LIN9: variants seen among roughly 807,000 people sequenced by gnomAD.
LIN9 encodes protein lin-9 homolog.
Under a neutral mutation model 78.0 loss-of-function variants are expected in LIN9, and 18 were observed. The ratio of observed to expected loss-of-function variants is 0.23; its 90% CI spans 0.16 to 0.34. The LOEUF is 0.34. Among genes scored for constraint, LIN9 ranks in the 10% least tolerant of loss-of-function variants. The probability of loss-of-function intolerance (pLI) is 1.00; values close to 1 mark genes in which losing one functional copy is unlikely to be tolerated. For missense variants in LIN9, 451 were observed against 644.1 expected (o/e 0.70, Z 3.25); for synonymous variants, 192 against 215.2 (o/e 0.89, Z 0.94).
intron 1 of LIN9, among the ~76,000 whole-genome samples, chr1:226,302,318 C>CG (rs1207258742): frequency 1.3e-4 from 20 of 152,028 alleles, no homozygotes; most frequent in African/African-American, 4.8e-4. Flanking sequence ...CCGAGGTGGG[C>CG]GGATCACAAG....
Position 226,232,557 on chromosome 1 carries a change from G to A in LIN9, c.1573C>T (p.Leu525=), listed in dbSNP as rs752135779. 6.2e-7 allele frequency: 1 copy of A among 1,612,376 alleles called. No individual in the cohort carries two copies. The highest frequency in any genetic ancestry group is 1.1e-5 in the South Asian group (1 of 90,830). The change falls in exon 15 of 15, where the codon CTG becomes TTG. Residue 525 remains leucine (L), a synonymous_variant. Coordinates refer to ENST00000681046, the MANE Select transcript of LIN9 (RefSeq NM_001366245.2). ...GCATGTAAGTTTCCCATCTGGCTCAGGCCACTCTGAATATGTGCAACATGG... is the reference window on the plus strand; with the variant it reads ...GCATGTAAGTTTCCCATCTGGCTCAAGCCACTCTGAATATGTGCAACATGG... ...EIHVAHIQSG[L]SQMGNLHAFA...
In LIN9 at chr1:226,239,071, A is replaced by T. The variant is rs1323371470; in HGVS notation, c.1145T>A (p.Ile382Asn). Residue 382 changes from isoleucine (I) to asparagine (N), a missense_variant, in exon 12 of 15, where the codon ATT (isoleucine) becomes AAT (asparagine). By Grantham distance (149) the Ile-to-Asn change is moderately radical. Transcript: ENST00000681046. ...TGTTGCATATCTCCGCTGAAATTCA[A>T]TGCTGATGGGCATGGAATATGATTT... is the stretch of plus-strand genomic sequence containing the variant. ...KLKSYSMPIS[I>N]EFQRRYATIV... 4 of 1,613,706 alleles carry T rather than the reference A, an allele frequency of 2.5e-6. No homozygotes were observed. Among genetic ancestry groups the T allele is most frequent in the Non-Finnish European group, 3.4e-6 (4 of 1,179,910 alleles).
intron 7 of LIN9, among the ~76,000 whole-genome samples, chr1:226,277,215 A>AG (rs1453824785): frequency 2.1e-4 from 31 of 149,138 alleles, no homozygotes; most frequent in African/African-American, 7.3e-4. Context: ...AGTCTCAAAA[A>AG]GAAAAAAAAA....
intron 7 of LIN9, among the ~76,000 whole-genome samples, chr1:226,277,313 T>C (rs1392874528): frequency 1.3e-5 from 2 of 152,180 alleles, no homozygotes; most frequent in Admixed American, 6.5e-5. Context: ...CTTTAGTTTA[T>C]ATTGTAGTAG....
chr1:226,233,670 C>G (rs1031605050), intron 12 of LIN9, 147 bp from the exon 13 acceptor site: 2 of 462,146 alleles, frequency 4.3e-6, no homozygotes, highest in Non-Finnish European at 7.1e-6. Flanking sequence ...AGTTTTTTTC[C>G]TTTAACAGTT....
intron 6 of LIN9, among the ~76,000 whole-genome samples, chr1:226,278,860 G>A (rs536823914): frequency 7.3e-5 from 11 of 150,052 alleles, no homozygotes; most frequent in South Asian, 6.3e-4. Flanking sequence ...GGTGGCTCAC[G>A]CCTGTAATCC....
rs745337535 is a variant in LIN9, at chr1:226,309,081, G to A, written c.31+28C>T. On this transcript the variant is annotated intron_variant, in intron 1 of 14. Transcript: ENST00000681046. ...GCTGGGCAAGCAGCAGGCGGGAAAA[G>A]GGGGGGGTGCTTTGAGGTGCTACTC... The A allele has an allele frequency of 1.2e-5, 15 of 1,246,802 alleles. No homozygotes were observed. In the East Asian group the frequency reaches 1.6e-4, roughly 13 times the overall value. The allele number at this position is 1,246,802 out of a possible 1,614,324, so 77.2% of individuals were successfully genotyped here. A position where few individuals can be genotyped will look rare whatever the true frequency, so the allele number is the denominator to read the frequency against.
chr1:226,287,706 T>C lies in LIN9; in HGVS notation c.356A>G (p.His119Arg). The C allele has an allele frequency of 6.4e-7, 1 of 1,556,176 alleles. No individual in the cohort carries two copies. The highest frequency in any genetic ancestry group is 8.6e-7 in the Non-Finnish European group (1 of 1,160,112). ...LRNLLKLPKA[H>R]KWCIYEWFYS... ...GAACCACTCGTATATACACCATTTA[T>C]GTGCTTTAGGAAGCTTGAGCAGATT... Residue 119 changes from histidine to arginine, a missense_variant, in exon 5 of 15, where the codon CAT becomes CGT. By Grantham distance (29) the His-to-Arg change is conservative (BLOSUM62 0). Coordinates refer to ENST00000681046, the MANE Select transcript of LIN9 (RefSeq NM_001366245.2).
chr1:226,248,834 T>C (rs1658648980), intron 11 of LIN9, among the ~76,000 whole-genome samples: 1 of 152,190 alleles, frequency 6.6e-6, no homozygotes, highest in Admixed American at 6.5e-5. Flanking sequence ...TTTCATAATA[T>C]TTGAATTTTT....
intron 7 of LIN9, among the ~76,000 whole-genome samples, chr1:226,271,262 G>A (rs1211982426): frequency 6.6e-6 from 1 of 152,118 alleles, no homozygotes; most frequent in Non-Finnish European, 1.5e-5. Flanking sequence ...CTCTGTATCT[G>A]ACAATCACAA....
At chr1:226,264,617 G>C (rs142692023) in intron 10 of LIN9, among the ~76,000 whole-genome samples, 6 of 152,194 alleles carry the variant, frequency 3.9e-5, no homozygotes, top group Admixed American at 1.3e-4. Flanking sequence ...AGGCCAAGGT[G>C]GGGGGATCAC....
Position 226,304,771 on chromosome 1 carries a change from T to C in LIN9, c.32-3566A>G, listed in dbSNP as rs143024104. On this transcript the variant is annotated intron_variant, in intron 1 of 14. Coordinates refer to ENST00000681046, the MANE Select transcript of LIN9 (RefSeq NM_001366245.2). ...AAGGGCAGAGGTAAGCCAGGTGTTA[T>C]GCATGGAACTGGGAATGCAATTAAG... 5.2e-3 allele frequency among the ~76,000 whole-genome samples: 799 copies of C among 152,310 alleles called. 13 individuals are homozygous for C. The highest frequency in any genetic ancestry group is 0.023 in the Admixed American group (347 of 15,288).
chr1:226,248,679 T>C (rs888285051), intron 11 of LIN9, among the ~76,000 whole-genome samples: 1 of 152,184 alleles, frequency 6.6e-6, no homozygotes, highest in Non-Finnish European at 1.5e-5. Flanking sequence ...TAATTCCATT[T>C]TGCATGAAAA....
intron 5 of LIN9, among the ~76,000 whole-genome samples, chr1:226,287,106 C>G (rs1661422061): frequency 6.6e-6 from 1 of 152,098 alleles, no homozygotes; most frequent in African/African-American, 2.4e-5. Flanking sequence ...TCCAGCAGAG[C>G]AAGCAGCAAT....
At chr1:226,285,713 T>C (rs1661347692) in intron 6 of LIN9, among the ~76,000 whole-genome samples, 1 of 152,150 alleles carries the variant, frequency 6.6e-6, no homozygotes, top group Non-Finnish European at 1.5e-5. Flanking sequence ...ACATATTAGA[T>C]AGATTAATTT....
chr1:226,294,140 T>C (rs1260274975), intron 4 of LIN9, among the ~76,000 whole-genome samples: 2 of 151,916 alleles, frequency 1.3e-5, no homozygotes, highest in African/African-American at 4.8e-5. Context: ...AAACCCTGTC[T>C]CTACTGAAAA....
intron 10 of LIN9, 144 bp from the exon 11 acceptor site, chr1:226,251,063 G>GTT: frequency 6.5e-6 from 3 of 459,656 alleles, no homozygotes; most frequent in Non-Finnish European, 3.8e-6. Flanking sequence ...CATTGTTTTG[G>GTT]TTTTTTTTTC....
chr1:226,282,453 T>C (rs202245810), intron 6 of LIN9, among the ~76,000 whole-genome samples: 3 of 152,314 alleles, frequency 2.0e-5, no homozygotes, highest in East Asian at 3.9e-4. Flanking sequence ...CAGTAATATG[T>C]ATGAGTGACT....
chr1:226,233,680 TTC>T (rs1276948376), intron 12 of LIN9, among the ~76,000 whole-genome samples, 157 bp from the exon 13 acceptor site: 3 of 152,202 alleles, frequency 2.0e-5, no homozygotes, highest in African/African-American at 7.2e-5. Flanking sequence ...CTTTAACAGT[TTC>T]TGATTTTCTA....
Sources: allele counts gnomAD v4.1 joint callset (sites outside exome capture counted in the v4.1 genomes callset), GRCh38; gene constraint gnomAD v4.1.1; transcripts MANE v1.5; gene names NCBI Gene and HGNC (gene_info 2026-07-23, HGNC 2026-07-21).